The following DSE variants were observed in gnomAD, a reference collection of about 807,000 sequenced individuals.
DSE encodes the protein dermatan-sulfate epimerase.
DSE carries 36 observed loss-of-function variants against 84.4 expected under a neutral mutation model. That is an observed-to-expected ratio of 0.43 (90% CI 0.33 to 0.56). The LOEUF is 0.56. Ranked by LOEUF, DSE falls within the 20% of genes least tolerant of loss-of-function variation. The pLI, the probability that DSE is intolerant of heterozygous loss-of-function variation, is 0.06. For synonymous variants in DSE, 410 were observed against 430.1 expected, an observed-to-expected ratio of 0.95 and a Z score of 0.58; for missense variants, 862 against 1,169.6, an observed-to-expected ratio of 0.74 and a Z score of 3.84.
In DSE at chr6:116,421,970, C is replaced by T. The variant is rs142086494; in HGVS notation, c.417-4604C>T. On this transcript the variant is annotated intron_variant, in intron 2 of 5. Coordinates refer to ENST00000644252, the MANE Select transcript of DSE (RefSeq NM_013352.4). Reference sequence around the variant, plus strand: ...AATAATTGTGAATATTCTTCTTTGACGCTACACTAAAACTTGACTGATAGT... The same window carrying T: ...AATAATTGTGAATATTCTTCTTTGATGCTACACTAAAACTTGACTGATAGT... 6.1e-3 allele frequency among the ~76,000 whole-genome samples: 929 copies of T among 152,126 alleles called. 7 individuals are homozygous for T. Among genetic ancestry groups the T allele is most frequent in the Non-Finnish European group, 9.4e-3 (639 of 68,012 alleles).
At chr6:116,299,594 A>G (rs368246284) in intron 2 of DSE, among the ~76,000 whole-genome samples, 69 of 145,966 alleles carry the variant, frequency 4.7e-4, no homozygotes, top group Admixed American at 7.5e-4. Context: ...ATGTATGTAT[A>G]TGTGTGTGTA....
Position 116,436,250 on chromosome 6 carries a change from T to C in DSE, c.1782T>C (p.Phe594=). The C allele has an allele frequency of 1.9e-6, 3 of 1,614,098 alleles. No individual in the cohort carries two copies. The highest frequency in any genetic ancestry group is 2.5e-6 in the Non-Finnish European group (3 of 1,179,996). ...TCTTCCATAATGTGGATGTTCCTTTTGAGGAGACTGTGGTAGATGGTGTCC... is the reference window on the plus strand; with the variant it reads ...TCTTCCATAATGTGGATGTTCCTTTCGAGGAGACTGTGGTAGATGGTGTCC... ...ASFFHNVDVP[F]EETVVDGVHG... The change falls in exon 6 of 6, where the codon TTT becomes TTC. Residue 594 remains phenylalanine (F), a synonymous_variant. Transcript: ENST00000644252.
At chr6:116,433,314 T>A in intron 4 of DSE, 29 bp from the exon 5 acceptor site, 1 of 1,547,828 alleles carries the variant, frequency 6.5e-7, no homozygotes, top group Non-Finnish European at 8.7e-7. Context: ...TTTCAAAGTA[T>A]CTTAATTCTT....
chr6:116,429,832 G>C (rs181982465), intron 3 of DSE, among the ~76,000 whole-genome samples: 852 of 65,430 alleles, frequency 0.013, 308 homozygotes, highest in Admixed American at 0.083. Flanking sequence ...GGCGCCTGCA[G>C]TCCCAGCTAC....
rs1772300014 is a variant in DSE at position 116,259,313 on chromosome 6, T to G, written c.-54+346T>G. On this transcript the variant is annotated intron_variant, in intron 2 of 3. Transcript: ENST00000430252. ...GATAAATTAGTTAAATGGTTATACC[T>G]GTAGACTTACCAGTGTATGAAACTA... 1.0e-5 allele frequency: 5 copies of G among 496,702 alleles called. No homozygotes were observed. In the Admixed American group the frequency reaches 1.6e-4, roughly 16 times the overall value. The allele number at this position is 496,702 out of a possible 1,614,324, so 30.8% of individuals were successfully genotyped here.
At chr6:116,282,914 A>C (rs947726158) in intron 2 of DSE, among the ~76,000 whole-genome samples, 2 of 152,208 alleles carry the variant, frequency 1.3e-5, no homozygotes, top group African/African-American at 4.8e-5. Flanking sequence ...TCACGTGCTC[A>C]GGGAGTTATT....
At chr6:116,281,843 C>A (rs1427733385) in intron 2 of DSE, among the ~76,000 whole-genome samples, 2 of 152,232 alleles carry the variant, frequency 1.3e-5, no homozygotes, top group African/African-American at 4.8e-5. Flanking sequence ...ACTCTGCTCT[C>A]CTTCCTATCT....
chr6:116,369,725 C>T, upstream of DSE: 1 of 330,976 alleles, frequency 3.0e-6, no homozygotes, highest in South Asian at 2.6e-5. Context: ...AGTACCACTT[C>T]CTCTTGACCT....
chr6:116,398,275 A>G (rs936526208), intron 1 of DSE, among the ~76,000 whole-genome samples: 5 of 152,100 alleles, frequency 3.3e-5, no homozygotes, highest in African/African-American at 9.7e-5. Context: ...TAGTGTTTCT[A>G]CATTTGAAAG....
chr6:116,295,911 A>G (rs950915934), intron 2 of DSE, among the ~76,000 whole-genome samples: 2 of 152,210 alleles, frequency 1.3e-5, no homozygotes, highest in Non-Finnish European at 2.9e-5. Context: ...TTTTATGATT[A>G]TCATAAACCA....
intron 5 of DSE, among the ~76,000 whole-genome samples, chr6:116,434,191 G>T (rs1464517622): frequency 6.6e-6 from 1 of 152,246 alleles, no homozygotes; most frequent in South Asian, 2.1e-4. Flanking sequence ...AGAAGCTTGG[G>T]TCTCCTTTTT....
chr6:116,376,247 T>G (rs557424183), intron 1 of DSE, among the ~76,000 whole-genome samples: 219 of 152,358 alleles, frequency 1.4e-3, no homozygotes, highest in Non-Finnish European at 1.9e-3. Flanking sequence ...TGGGGCCACT[T>G]CTAATTCCTG....
At chr6:116,299,324 A>G (rs1193650786) in intron 2 of DSE, among the ~76,000 whole-genome samples, 4 of 151,906 alleles carry the variant, frequency 2.6e-5, no homozygotes, top group Admixed American at 2.0e-4. Flanking sequence ...AGAGGACTGA[A>G]TGTTGAAGAA....
At chr6:116,410,733 CAAAAAAAAAAAAAAAA>C (rs765969508) in intron 2 of DSE, among the ~76,000 whole-genome samples, 24 of 79,606 alleles carry the variant, frequency 3.0e-4, no homozygotes, top group African/African-American at 7.7e-4. Context: ...GACTCTGTCT[CAAAAAAAAAAAAAAAA>C]AAAAAAAAAA....
Position 116,299,539 on chromosome 6 carries a change from TATATATATATATACACATAC to T in DSE, c.-54+40574_-54+40593del, listed in dbSNP as rs1236395478. ...ATATATATATATATATATATATATATATATATATATATACACATACACACACACACACACATACATATATA... is the reference window on the plus strand; with the variant it reads ...ATATATATATATATATATATATATATACACACACACACACATACATATATA... On this transcript the variant is annotated intron_variant, in intron 2 of 3. Coordinates refer to the DSE transcript ENST00000430252. 1.1e-3 allele frequency among the ~76,000 whole-genome samples: 26 copies of T among 23,582 alleles called. 1 individual carries two copies. Among genetic ancestry groups the T allele is most frequent in the Middle Eastern group, 0.021 (1 of 48 alleles). 15.5% of individuals were successfully genotyped at this position (23,582 alleles called of 152,430 possible).
At chr6:116,365,542 C>T (rs143374592), upstream of DSE, among the ~76,000 whole-genome samples, 1,755 of 152,312 alleles carry the variant, frequency 0.012, 18 homozygotes, top group Middle Eastern at 0.044. Flanking sequence ...CGTGAGCCAC[C>T]GCACGTGGCC....
chr6:116,302,107 T>C (rs888940163), intron 2 of DSE, among the ~76,000 whole-genome samples: 3 of 152,240 alleles, frequency 2.0e-5, no homozygotes, highest in Non-Finnish European at 4.4e-5. Context: ...CGAGTCCATG[T>C]GTCTTTATAG....
chr6:116,345,094 A>T (rs1489343996), intron 2 of DSE, among the ~76,000 whole-genome samples: 1 of 152,224 alleles, frequency 6.6e-6, no homozygotes, highest in Non-Finnish European at 1.5e-5. Context: ...TGCACCCAAT[A>T]CAGGAGCACC....
At chr6:116,401,788 C>T (rs1466956230) in intron 2 of DSE, among the ~76,000 whole-genome samples, 4 of 152,098 alleles carry the variant, frequency 2.6e-5, no homozygotes, top group Non-Finnish European at 4.4e-5. Context: ...CATATTCTCA[C>T]TATGTACCAA....
Sources: allele counts gnomAD v4.1 joint callset (sites outside exome capture counted in the v4.1 genomes callset), GRCh38; gene constraint gnomAD v4.1.1; transcripts MANE v1.5; gene names NCBI Gene and HGNC (gene_info 2026-07-23, HGNC 2026-07-21).